Variants in FBXO4 observed in about 807,000 individuals in gnomAD.
The protein encoded by FBXO4 is F-box protein 4.
Under a neutral mutation model 43.7 loss-of-function variants are expected in FBXO4, and 36 were observed. That is an observed-to-expected ratio of 0.82 (90% CI 0.63 to 1.09). The LOEUF (loss-of-function observed/expected upper bound fraction) is 1.09, where lower values mean the gene tolerates loss of function less well. Ranked by LOEUF, FBXO4 falls within the 50% of genes least tolerant of loss-of-function variation. The pLI, the probability that FBXO4 is intolerant of heterozygous loss-of-function variation, is 0.00. For missense variants in FBXO4, 435 were observed against 474.1 expected, an observed-to-expected ratio of 0.92 and a Z score of 0.77; for synonymous variants, 180 against 165.6, an observed-to-expected ratio of 1.09 and a Z score of -0.67.
rs561105272 is a variant in FBXO4, at chr5:41,933,516, C to A, written c.647-430C>A. 2.6e-5 allele frequency among the ~76,000 whole-genome samples: 4 copies of A among 152,156 alleles called. No individual in the cohort carries two copies. The South Asian group carries it at 8.3e-4, about 32-fold the overall frequency. On this transcript the variant is annotated intron_variant, in intron 3 of 6. Transcript: ENST00000281623. Reference sequence around the variant, plus strand: ...TACAGATGTGAGCCACTGTGCCTGCCCCCCCCATCAATTTAAAAACAGCTT... The same window carrying A: ...TACAGATGTGAGCCACTGTGCCTGCACCCCCCATCAATTTAAAAACAGCTT...
chr5:41,986,129 G>C, the FBXO4 span, among the ~76,000 whole-genome samples: 20 of 152,156 alleles, frequency 1.3e-4, no homozygotes, highest in Admixed American at 1.2e-3. Flanking sequence ...AAAGTATTGC[G>C]TAAGGCTAGA....
chr5:42,022,752 A>G, the FBXO4 span, among the ~76,000 whole-genome samples: 13 of 152,164 alleles, frequency 8.5e-5, no homozygotes, highest in African/African-American at 2.6e-4. Flanking sequence ...ATAAAATCAC[A>G]TGGTCTTTTG....
chr5:41,978,762 CAA>C, the FBXO4 span, among the ~76,000 whole-genome samples: 1 of 152,070 alleles, frequency 6.6e-6, no homozygotes, highest in South Asian at 2.1e-4. Context: ...AACTTAAGCT[CAA>C]GTCTTTTACA....
At chr5:41,939,360 C>G (rs981248782) in intron 5 of FBXO4, 81 bp from the exon 6 acceptor site, 1 of 1,322,452 alleles carries the variant, frequency 7.6e-7, no homozygotes, top group Non-Finnish European at 1.0e-6. Flanking sequence ...TTTGTTCCCT[C>G]GCTTTGTTAG....
the FBXO4 span, among the ~76,000 whole-genome samples, chr5:42,014,531 C>T: frequency 6.6e-6 from 1 of 152,150 alleles, no homozygotes; most frequent in Non-Finnish European, 1.5e-5. Flanking sequence ...CTTTAAATCC[C>T]AGTCCTGCCA....
chr5:42,004,355 A>G, the FBXO4 span, among the ~76,000 whole-genome samples: 1 of 152,210 alleles, frequency 6.6e-6, no homozygotes, highest in Non-Finnish European at 1.5e-5. Context: ...TCAAAATAAT[A>G]TGTGTGAGAG....
At chr5:41,938,230 G>T (rs1271872060) in intron 5 of FBXO4, among the ~76,000 whole-genome samples, 2 of 152,172 alleles carry the variant, frequency 1.3e-5, no homozygotes, top group Admixed American at 1.3e-4. Flanking sequence ...TCATGGAAGA[G>T]AGAACATTTA....
At chr5:41,933,833 G>A (rs1480459789) in intron 3 of FBXO4, 113 bp from the exon 4 acceptor site, 2 of 736,706 alleles carry the variant, frequency 2.7e-6, no homozygotes, top group African/African-American at 3.6e-5. Flanking sequence ...CTATGTATAA[G>A]TTGTTATAGA....
Position 41,929,756 on chromosome 5 carries a change from G to A in FBXO4, c.485G>A (p.Gly162Glu). 6.2e-7 allele frequency: 1 copy of A among 1,614,084 alleles called. No homozygotes were observed. The highest frequency in any genetic ancestry group is 8.5e-7 in the Non-Finnish European group (1 of 1,179,998). ...TCAAAATCCAGCCGTCCTATGTATGGAGCTGTCACTTCTTTTTTACACTCC... is the reference window on the plus strand; with the variant it reads ...TCAAAATCCAGCCGTCCTATGTATGAAGCTGTCACTTCTTTTTTACACTCC... ...RASKSSRPMY[G>E]AVTSFLHSLI... The change falls in exon 3 of 7, where the codon GGA (glycine) becomes GAA (glutamate). Residue 162 changes from glycine (G) to glutamate (E), a missense_variant. Gly to Glu is a moderately conservative substitution (Grantham distance 98, BLOSUM62 -2). Coordinates refer to ENST00000281623, the MANE Select transcript of FBXO4 (RefSeq NM_012176.3).
the FBXO4 span, among the ~76,000 whole-genome samples, chr5:41,984,471 T>C: frequency 7.9e-5 from 12 of 152,172 alleles, no homozygotes; most frequent in Admixed American, 2.0e-4. Flanking sequence ...TGTGTTATAT[T>C]ACAGGGACAT....
At chr5:41,995,911 A>G in the FBXO4 span, among the ~76,000 whole-genome samples, 1 of 152,200 alleles carries the variant, frequency 6.6e-6, no homozygotes, top group Non-Finnish European at 1.5e-5. Flanking sequence ...AGCTCGGCCC[A>G]CTGGGAAGAT....
At chr5:42,022,637 A>C in the FBXO4 span, among the ~76,000 whole-genome samples, 1 of 152,128 alleles carries the variant, frequency 6.6e-6, no homozygotes, top group African/African-American at 2.4e-5. Context: ...AGACGGCATT[A>C]TCTTATAGAC....
At chr5:41,952,976 T>G in the FBXO4 span, among the ~76,000 whole-genome samples, 1 of 151,958 alleles carries the variant, frequency 6.6e-6, no homozygotes, top group South Asian at 2.1e-4. Flanking sequence ...TTTTTGTGAA[T>G]GCTTTCATTG....
At chr5:41,939,416 A>G in intron 5 of FBXO4, 25 bp from the exon 6 acceptor site, 1 of 1,549,942 alleles carries the variant, frequency 6.5e-7, no homozygotes, top group African/African-American at 1.4e-5. Flanking sequence ...AATGCAAATT[A>G]AGGGTTTTGA....
chr5:42,031,462 A>G, the FBXO4 span, among the ~76,000 whole-genome samples: 1,611 of 59,906 alleles, frequency 0.027, 68 homozygotes, highest in Admixed American at 0.17. Flanking sequence ...ACTGTTGTGG[A>G]GTGGGGGGAG....
At chr5:41,943,561 G>A (rs537863701), downstream of FBXO4, among the ~76,000 whole-genome samples, 87 of 151,818 alleles carry the variant, frequency 5.7e-4, no homozygotes, top group African/African-American at 2.0e-3. Flanking sequence ...AGTTTTTATG[G>A]GTTTTTCAAT....
chr5:41,976,343 A>G, the FBXO4 span, among the ~76,000 whole-genome samples: 2 of 152,208 alleles, frequency 1.3e-5, no homozygotes, highest in African/African-American at 2.4e-5. Flanking sequence ...CAAAGTTCAA[A>G]TCCAAAGTTT....
the FBXO4 span, among the ~76,000 whole-genome samples, chr5:42,012,671 G>A: frequency 6.6e-6 from 1 of 152,130 alleles, no homozygotes; most frequent in Non-Finnish European, 1.5e-5. Context: ...TGGCTGGGCT[G>A]CTTGTTCCTG....
At chr5:41,983,048 T>A in the FBXO4 span, among the ~76,000 whole-genome samples, 2 of 152,194 alleles carry the variant, frequency 1.3e-5, no homozygotes, top group African/African-American at 4.8e-5. Flanking sequence ...GGACGTGAAC[T>A]CATCCTTTTT....
Sources: allele counts gnomAD v4.1 joint callset (sites outside exome capture counted in the v4.1 genomes callset), GRCh38; gene constraint gnomAD v4.1.1; transcripts MANE v1.5; gene names NCBI Gene and HGNC (gene_info 2026-07-23, HGNC 2026-07-21).